The following RNF157 variants were observed in gnomAD, a reference collection of about 807,000 sequenced individuals.
The protein encoded by RNF157 is E3 ubiquitin ligase RNF157.
In RNF157, 55 loss-of-function variants were observed where a neutral mutation model predicts 88.3. The observed-to-expected ratio is 0.62, with a 90% CI of 0.50 to 0.78. The LOEUF is 0.78. Among genes scored for constraint, RNF157 ranks in the 30% least tolerant of loss-of-function variants. The probability of loss-of-function intolerance (pLI) is 0.00; values close to 1 mark genes in which losing one functional copy is unlikely to be tolerated. For missense variants in RNF157, 788 were observed against 860.8 expected (o/e 0.92, Z 1.06); for synonymous variants, 334 against 341.2 (o/e 0.98, Z 0.23).
Position 76,240,330 on chromosome 17 carries a change from G to GGGCCGACTGCCCGCCGCGGC in RNF157, c.-110_-91dup, listed in dbSNP as rs1299678431. ...GCCGCCCGCCCCGCGCCCGGTGCGGGGGCCGACTGCCCGCCGCGGCCGGCT... is the reference window on the plus strand; with the variant it reads ...GCCGCCCGCCCCGCGCCCGGTGCGGGGGCCGACTGCCCGCCGCGGCGGCCGACTGCCCGCCGCGGCCGGCT... On this transcript the variant is annotated 5_prime_UTR_variant, in exon 1 of 19. An upstream open reading frame in the 5' UTR loses its in-frame stop. Transcript: ENST00000269391. This position sits in a 1 kb window ranked among gnomAD's most constrained non-coding sequence, Gnocchi z 4.4. 1.9e-6 allele frequency: 1 copy of GGGCCGACTGCCCGCCGCGGC among 533,712 alleles called. No homozygotes were observed. The highest frequency in any genetic ancestry group is 1.5e-4 in the East Asian group (1 of 6,604). 33.1% of individuals were successfully genotyped at this position (533,712 alleles called of 1,614,324 possible). A position where few individuals can be genotyped will look rare whatever the true frequency, so the allele number is the denominator to read the frequency against.
At chr17:76,202,106 TCA>T (rs2069589641) in intron 2 of RNF157, among the ~76,000 whole-genome samples, 1 of 141,452 alleles carries the variant, frequency 7.1e-6, no homozygotes, top group South Asian at 2.2e-4. Context: ...TAACCCAATC[TCA>T]GTTTCTCTCT....
chr17:76,206,481 C>G lies in RNF157; in HGVS notation c.207+5883G>C, dbSNP rs144025116. Among the ~76,000 whole-genome samples the G allele has an allele frequency of 2.4e-3, 370 of 152,218 alleles. 4 individuals carry two copies. The highest frequency in any genetic ancestry group is 3.4e-3 in the Middle Eastern group (1 of 294). On this transcript the variant is annotated intron_variant, in intron 2 of 18. Transcript: ENST00000269391. ...ACCAGAGCAGAAAGACCTTCAGAAG[C>G]CCAGTTTACTACTTAAGACAGTATT...
intron 2 of RNF157, among the ~76,000 whole-genome samples, chr17:76,203,854 G>A (rs974055242): frequency 3.4e-5 from 5 of 145,842 alleles, no homozygotes; most frequent in African/African-American, 1.3e-4. Flanking sequence ...TGCAAACTCC[G>A]CCACCCGGGT....
intron 2 of RNF157, among the ~76,000 whole-genome samples, chr17:76,185,325 GCTTTTAGTTGCAA>G (rs1437723575): frequency 6.6e-6 from 1 of 152,146 alleles, no homozygotes; most frequent in African/African-American, 2.4e-5. Context: ...AAGACGAATT[GCTTTTAGTTGCAA>G]AAGATTTTGC....
At position 76,173,741 on chromosome 17, in the gene RNF157, C is replaced by G. The variant is rs776109025; in HGVS notation, c.257G>C (p.Ser86Thr). ...TGTGTCCTTTCGGATATTGACCAGG[C>G]TTCTCAGAGTCTTCACGGGTTCTTG... ...PPQEPVKTLR[S>T]LVNIRKDTLR... Residue 86 changes from serine to threonine, a missense_variant, in exon 3 of 19, where the codon AGC (serine) becomes ACC (threonine). Coordinates refer to ENST00000269391, the MANE Select transcript of RNF157 (RefSeq NM_052916.3). 6.2e-7 allele frequency: 1 copy of G among 1,611,156 alleles called. No individual in the cohort carries two copies. The highest frequency in any genetic ancestry group is 2.2e-5 in the East Asian group (1 of 44,822).
intron 1 of RNF157, among the ~76,000 whole-genome samples, chr17:76,234,584 T>C (rs1000532200): frequency 3.3e-5 from 5 of 152,224 alleles, no homozygotes; most frequent in Non-Finnish European, 5.9e-5. Flanking sequence ...AAGTGGTATC[T>C]AATTGTAGTT....
chr17:76,206,828 G>A (rs958785079), intron 2 of RNF157, among the ~76,000 whole-genome samples: 1 of 152,288 alleles, frequency 6.6e-6, no homozygotes, highest in South Asian at 2.1e-4. Flanking sequence ...ACAAGTAGCT[G>A]TAGAAATAAC....
intron 2 of RNF157, among the ~76,000 whole-genome samples, chr17:76,199,707 T>TGG (rs2069539471): frequency 6.6e-6 from 1 of 152,136 alleles, no homozygotes; most frequent in Non-Finnish European, 1.5e-5. Flanking sequence ...TGACTGCACT[T>TGG]GGTGACGCAG....
In RNF157 at chr17:76,240,013, C is replaced by T; in HGVS notation, c.88+140G>A. The T allele has an allele frequency of 2.8e-6, 1 of 351,258 alleles. No individual in the cohort carries two copies. The highest frequency in any genetic ancestry group is 4.8e-6 in the Non-Finnish European group (1 of 208,482). 21.8% of individuals were successfully genotyped at this position (351,258 alleles called of 1,614,324 possible). On this transcript the variant is annotated intron_variant, in intron 1 of 18. Transcript: ENST00000269391. This position sits in a 1 kb window ranked among gnomAD's most constrained non-coding sequence, Gnocchi z 4.4. ...GAGACCTCGGCCTTCTCGAAGACCT[C>T]CCGCGCTCGAAGACCGTTTCGGAGC...
intron 1 of RNF157, among the ~76,000 whole-genome samples, chr17:76,213,476 A>G (rs2069836648): frequency 6.6e-6 from 1 of 151,750 alleles, no homozygotes; most frequent in Non-Finnish European, 1.5e-5. Context: ...AGGCTGAGGC[A>G]GGAGAATCTC....
intron 2 of RNF157, among the ~76,000 whole-genome samples, chr17:76,174,257 G>A (rs1210532584): frequency 6.6e-6 from 1 of 152,170 alleles, no homozygotes; most frequent in African/African-American, 2.4e-5. Context: ...GCCCCATCAT[G>A]TGTACAGAGC....
At chr17:76,179,555 T>G (rs958956512) in intron 2 of RNF157, among the ~76,000 whole-genome samples, 1 of 152,030 alleles carries the variant, frequency 6.6e-6, no homozygotes. Context: ...TAGCTGGGTG[T>G]GGTGGCACAG....
chr17:76,222,236 C>T lies in RNF157; in HGVS notation c.89-9754G>A, dbSNP rs551658518. ...TGGCACACGCCTGTGATCCCAGCTA[C>T]TTGGGAGGCTGAGGCACAAGAACAG... On this transcript the variant is annotated intron_variant, in intron 1 of 18. Transcript: ENST00000269391. Among the ~76,000 whole-genome samples the T allele has an allele frequency of 7.2e-5, 11 of 151,858 alleles. No homozygotes were observed. In the South Asian group the frequency reaches 2.3e-3, roughly 32 times the overall value.
intron 1 of RNF157, among the ~76,000 whole-genome samples, chr17:76,218,224 G>A (rs1055860968): frequency 6.6e-6 from 1 of 152,176 alleles, no homozygotes; most frequent in Non-Finnish European, 1.5e-5. Context: ...TTCTAGAGGG[G>A]AAGAAAATCG....
At chr17:76,197,061 G>T (rs143118765) in intron 2 of RNF157, among the ~76,000 whole-genome samples, 2 of 152,212 alleles carry the variant, frequency 1.3e-5, no homozygotes, top group Non-Finnish European at 2.9e-5. Flanking sequence ...AACCTAAACC[G>T]GTTGATATCA....
At position 76,145,251 on chromosome 17, in the gene RNF157, C is replaced by A; in HGVS notation, c.2024G>T (p.Gly675Val). The change falls in exon 19 of 19, where the codon GGC (glycine) becomes GTC (valine). Residue 675 changes from glycine (G) to valine (V), a missense_variant. Physicochemically the swap from Gly to Val is moderately radical, Grantham distance 109 (BLOSUM62 -3). Coordinates refer to ENST00000269391, the MANE Select transcript of RNF157 (RefSeq NM_052916.3). The part of the protein sequence containing the change: ...EDSETRPCVW[G>V]PLAV ...GGCTGGGGCTCAGACAGCCAAAGGGCCCCACACACAGGGCCTCGTCTCAGA... is the reference window on the plus strand; with the variant it reads ...GGCTGGGGCTCAGACAGCCAAAGGGACCCACACACAGGGCCTCGTCTCAGA... The A allele has an allele frequency of 6.2e-7, 1 of 1,604,926 alleles. No individual in the cohort carries two copies. Among genetic ancestry groups the A allele is most frequent in the Non-Finnish European group, 8.5e-7 (1 of 1,175,922 alleles).
chr17:76,214,688 T>G (rs1030949433), intron 1 of RNF157, among the ~76,000 whole-genome samples: 5 of 152,328 alleles, frequency 3.3e-5, no homozygotes, highest in Non-Finnish European at 4.4e-5. Flanking sequence ...TGGCCAGAAC[T>G]GCTGGGACAT....
chr17:76,145,752 T>C (rs2068575389), intron 18 of RNF157, among the ~76,000 whole-genome samples: 1 of 151,252 alleles, frequency 6.6e-6, no homozygotes, highest in Non-Finnish European at 1.5e-5. Context: ...CAGGAAGAGG[T>C]GGGGGGAAGT....
intron 2 of RNF157, 140 bp from the exon 3 acceptor site, chr17:76,173,930 C>T (rs2069061258): frequency 1.4e-6 from 1 of 697,658 alleles, no homozygotes; most frequent in African/African-American, 1.9e-5. Flanking sequence ...GAAACTGAAA[C>T]TCCGACATAC....
Sources: allele counts gnomAD v4.1 joint callset (sites outside exome capture counted in the v4.1 genomes callset), GRCh38; gene constraint gnomAD v4.1.1; non-coding constraint Gnocchi (gnomAD v3.1); transcripts MANE v1.5; gene names NCBI Gene and HGNC (gene_info 2026-07-23, HGNC 2026-07-21).